RIC3: variants seen among roughly 807,000 people sequenced by gnomAD.
The protein encoded by RIC3 is protein RIC-3.
Under a neutral mutation model 27.3 loss-of-function variants are expected in RIC3, and 28 were observed. The observed-to-expected ratio is 1.02, with a 90% CI of 0.76 to 1.41. RIC3 has a LOEUF of 1.41. Among genes scored for constraint, RIC3 ranks in the 40% most tolerant of loss-of-function variants. The pLI is 0.00. For synonymous variants in RIC3, 184 were observed against 160.4 expected (o/e 1.15, Z -1.11); for missense variants, 501 against 444.7 (o/e 1.13, Z -1.14).
At chr11:8,168,543 T>C (rs1951949656) in intron 1 of RIC3, among the ~76,000 whole-genome samples, 1 of 152,012 alleles carries the variant, frequency 6.6e-6, no homozygotes, top group African/African-American at 2.4e-5. Flanking sequence ...CGTGAACAAA[T>C]GGTGACGAGA....
At chr11:8,136,040 G>A (rs903825267) in intron 4 of RIC3, among the ~76,000 whole-genome samples, 6 of 152,018 alleles carry the variant, frequency 3.9e-5, no homozygotes, top group Non-Finnish European at 7.4e-5. Context: ...TACAACTTTG[G>A]GGAACATTCC....
chr11:8,140,031 A>G lies in RIC3; in HGVS notation c.287T>C (p.Met96Thr). Residue 96 changes from methionine to threonine, a missense_variant, in exon 2 of 6, where the codon ATG becomes ACG. Transcript: ENST00000309737. ...AGGGGSGRGL[M>T]GQIIPIYGFG... ...ACCGTAGATTGGAATAATCTGCCCCATCAGACCTCTTCCACTACCTCCTCC... is the reference window on the plus strand; with the variant it reads ...ACCGTAGATTGGAATAATCTGCCCCGTCAGACCTCTTCCACTACCTCCTCC... 6.2e-7 allele frequency: 1 copy of G among 1,614,096 alleles called. No individual in the cohort carries two copies. The highest frequency in any genetic ancestry group is 8.5e-7 in the Non-Finnish European group (1 of 1,180,024).
chr11:8,132,477 T>C (rs2133767429), intron 4 of RIC3, among the ~76,000 whole-genome samples: 1 of 152,148 alleles, frequency 6.6e-6, no homozygotes, highest in East Asian at 1.9e-4. Flanking sequence ...CCTAGACCCT[T>C]TCCTTAGTCT....
chr11:8,095,479 G>T, the RIC3 span: 1 of 1,598,060 alleles, frequency 6.3e-7, no homozygotes, highest in Non-Finnish European at 8.6e-7. Flanking sequence ...TGTAACTCAG[G>T]CGTGTCCGTG....
chr11:8,132,033 C>A (rs1201195400), intron 4 of RIC3, among the ~76,000 whole-genome samples: 1 of 150,558 alleles, frequency 6.6e-6, no homozygotes, highest in Non-Finnish European at 1.5e-5. Context: ...TCCAGGAATT[C>A]ATGGCAAAAA....
chr11:8,165,913 G>A (rs1023643934), intron 1 of RIC3, among the ~76,000 whole-genome samples: 7 of 66,534 alleles, frequency 1.1e-4, no homozygotes, highest in African/African-American at 4.5e-4. Context: ...AGAGTAGCTG[G>A]GGCTACAGGT....
intron 1 of RIC3, among the ~76,000 whole-genome samples, chr11:8,159,783 G>C (rs1951009142): frequency 1.3e-5 from 2 of 152,144 alleles, no homozygotes; most frequent in Non-Finnish European, 2.9e-5. Context: ...CTGAGGTCAA[G>C]GGTTCGATAC....
At position 8,106,737 on chromosome 11, in the gene RIC3, G is replaced by C. The variant is rs563816965; in HGVS notation, c.*3961C>G. 3 of 152,480 alleles carry C rather than the reference G, an allele frequency of 2.0e-5. No homozygotes were observed. The highest frequency in any genetic ancestry group is 7.2e-5 in the African/African-American group (3 of 41,570). 9.4% of individuals were successfully genotyped at this position (152,480 alleles called of 1,614,324 possible). On this transcript the variant is annotated 3_prime_UTR_variant, in exon 6 of 6. Transcript: ENST00000309737. ...GGCAGATTTGAAGGCAAAAGGAAGG[G>C]AGGCTACAGTTGTAGCTAGAAGCAG...
the RIC3 span, among the ~76,000 whole-genome samples, chr11:8,095,246 C>T: frequency 1.3e-5 from 2 of 152,250 alleles, no homozygotes; most frequent in Non-Finnish European, 1.5e-5. Flanking sequence ...GCTTTAAGGA[C>T]GTGAGGTGTT....
intron 1 of RIC3, among the ~76,000 whole-genome samples, chr11:8,148,882 TA>T (rs1405008203): frequency 6.6e-6 from 1 of 151,374 alleles, no homozygotes. Context: ...AATCTTTCTT[TA>T]AAAAAAAGAG....
the RIC3 span, chr11:8,096,783 G>C: frequency 6.2e-7 from 1 of 1,614,168 alleles, no homozygotes; most frequent in Non-Finnish European, 8.5e-7. Flanking sequence ...CCCCAGCTCT[G>C]CTACTAGCAG....
chr11:8,125,054 C>A (rs1224285552), intron 5 of RIC3, among the ~76,000 whole-genome samples: 1 of 151,964 alleles, frequency 6.6e-6, no homozygotes, highest in Non-Finnish European at 1.5e-5. Context: ...GAGATCAAGA[C>A]CATCCTGGCT....
chr11:8,151,353 C>T (rs573875845), intron 1 of RIC3, among the ~76,000 whole-genome samples: 1 of 151,396 alleles, frequency 6.6e-6, no homozygotes, highest in Non-Finnish European at 1.5e-5. Context: ...TTTGGGAGGC[C>T]GAGACGGGCG....
At chr11:8,101,380 T>C (rs1380363516), downstream of RIC3, 3 of 1,406,906 alleles carry the variant, frequency 2.1e-6, no homozygotes, top group African/African-American at 2.8e-5. Flanking sequence ...CATCTCTGCT[T>C]CTCACTTGTT....
At chr11:8,101,867 A>C (rs1228035551), downstream of RIC3, 2 of 417,526 alleles carry the variant, frequency 4.8e-6, no homozygotes, top group Non-Finnish European at 8.1e-6. Flanking sequence ...CCACGAGATC[A>C]ACACACACTC....
intron 5 of RIC3, among the ~76,000 whole-genome samples, chr11:8,112,822 T>C (rs568449725): frequency 9.2e-5 from 14 of 152,350 alleles, no homozygotes; most frequent in Admixed American, 6.5e-4. Context: ...TCCCCTATTA[T>C]AAGTAGTATA....
chr11:8,150,349 C>T (rs1950104770), intron 1 of RIC3, among the ~76,000 whole-genome samples: 1 of 152,142 alleles, frequency 6.6e-6, no homozygotes, highest in African/African-American at 2.4e-5. Context: ...CCATTTAACA[C>T]TGAACAAAAA....
In RIC3 at chr11:8,137,010, T is replaced by A. The variant is rs142527053; in HGVS notation, c.521+368A>T. Among the ~76,000 whole-genome samples, 983 of 152,308 alleles carry A rather than the reference T, an allele frequency of 6.5e-3. 22 individuals are homozygous for A. The highest frequency in any genetic ancestry group is 0.051 in the Admixed American group (783 of 15,292). On this transcript the variant is annotated intron_variant, in intron 4 of 5. Transcript: ENST00000309737. ...TGGTCTATTTATCAAAAAAAAAGCA[T>A]AATTTTGAATTTTCTTTCCTTTTCT...
chr11:8,094,133 C>A, the RIC3 span: 5 of 1,614,150 alleles, frequency 3.1e-6, no homozygotes, highest in East Asian at 1.1e-4. Flanking sequence ...AAGGCGGCAG[C>A]TACAGCAGGG....
Sources: gnomAD v4.1 joint callset for allele counts (sites outside exome capture counted in the v4.1 genomes callset) on GRCh38, gnomAD v4.1.1 for gene constraint, MANE v1.5 for transcripts, NCBI Gene and HGNC (gene_info 2026-07-23, HGNC 2026-07-21) for gene names.